Variants in PCSK5 observed in about 807,000 individuals in gnomAD.
The protein encoded by PCSK5 is proprotein convertase subtilisin/kexin type 5, also known as prohormone convertase 5.
PCSK5 carries 129 observed loss-of-function variants against 233.2 expected under a neutral mutation model. The ratio of observed to expected loss-of-function variants is 0.55; its 90% confidence interval spans 0.48 to 0.64. PCSK5 has a LOEUF of 0.64. Ranked by LOEUF, PCSK5 falls within the 30% of genes least tolerant of loss-of-function variation. The pLI is 0.00. For missense variants in PCSK5, 2,076 were observed against 2,430.1 expected (o/e 0.85, Z 3.06); for synonymous variants, 825 against 879.2 (o/e 0.94, Z 1.09).
intron 5 of PCSK5, among the ~76,000 whole-genome samples, chr9:76,066,861 A>G (rs547826962): frequency 6.6e-6 from 1 of 152,310 alleles, no homozygotes; most frequent in African/African-American, 2.4e-5. Context: ...CTTGAGTTTT[A>G]GTCACTGTTT....
chr9:76,335,888 ATGAAGAAAC>A (rs1829663825), intron 34 of PCSK5, among the ~76,000 whole-genome samples: 1 of 152,202 alleles, frequency 6.6e-6, no homozygotes, highest in Non-Finnish European at 1.5e-5. Context: ...CATTTTACAG[ATGAAGAAAC>A]TGAGGATCAG....
At chr9:76,338,955 C>A (rs949414776) in intron 35 of PCSK5, among the ~76,000 whole-genome samples, 1 of 151,922 alleles carries the variant, frequency 6.6e-6, no homozygotes, top group Non-Finnish European at 1.5e-5. Flanking sequence ...CCACCTCCAA[C>A]AAAGCTAAAC....
intron 2 of PCSK5, among the ~76,000 whole-genome samples, chr9:75,974,878 C>T (rs1409957229): frequency 1.3e-5 from 2 of 152,210 alleles, no homozygotes; most frequent in African/African-American, 4.8e-5. Context: ...GCAAACTTCA[C>T]TCATTTCCCT....
At chr9:75,929,123 T>C (rs934912990) in intron 1 of PCSK5, among the ~76,000 whole-genome samples, 2 of 151,970 alleles carry the variant, frequency 1.3e-5, no homozygotes, top group African/African-American at 4.8e-5. Context: ...TTAGTAGAGA[T>C]GGGGTTTCAC....
chr9:76,260,617 A>G (rs1183184162), intron 24 of PCSK5, among the ~76,000 whole-genome samples: 1 of 152,170 alleles, frequency 6.6e-6, no homozygotes, highest in Admixed American at 6.5e-5. Context: ...CAGGCCTACA[A>G]CTGCAAAGAA....
chr9:76,174,215 G>C (rs1388319815), intron 13 of PCSK5, among the ~76,000 whole-genome samples: 1 of 151,846 alleles, frequency 6.6e-6, no homozygotes, highest in East Asian at 1.9e-4. Flanking sequence ...AATTAGTGAT[G>C]TTTTCTTAAT....
At chr9:76,049,454 A>G (rs946533067) in intron 5 of PCSK5, among the ~76,000 whole-genome samples, 14 of 152,240 alleles carry the variant, frequency 9.2e-5, no homozygotes, top group Non-Finnish European at 1.5e-4. Flanking sequence ...AATAACTGTC[A>G]GTAAACAGAA....
intron 5 of PCSK5, among the ~76,000 whole-genome samples, chr9:76,043,451 G>A (rs1829222031): frequency 6.6e-6 from 1 of 151,620 alleles, no homozygotes; most frequent in Non-Finnish European, 1.5e-5. Flanking sequence ...AATGTTGCAA[G>A]TTACCTGGGG....
At chr9:76,068,193 G>A in intron 6 of PCSK5, 150 bp downstream of exon 6, 1 of 577,028 alleles carries the variant, frequency 1.7e-6, no homozygotes, top group Non-Finnish European at 3.1e-6. Flanking sequence ...ACATGACCAT[G>A]TTAGCATGCG....
chr9:76,018,990 C>A (rs186906877), intron 3 of PCSK5, among the ~76,000 whole-genome samples: 3 of 152,176 alleles, frequency 2.0e-5, no homozygotes, highest in Non-Finnish European at 4.4e-5. Flanking sequence ...AGTTTTAACA[C>A]AAGAGTTACA....
At chr9:75,967,597 A>G (rs186810338) in intron 2 of PCSK5, among the ~76,000 whole-genome samples, 1 of 152,352 alleles carries the variant, frequency 6.6e-6, no homozygotes, top group East Asian at 1.9e-4. Context: ...CCCATTTCAT[A>G]CAATGCAGTT....
chr9:76,261,036 G>A lies in PCSK5; in HGVS notation c.3142+20352G>A, dbSNP rs929600656. Among the ~76,000 whole-genome samples, 4 of 152,182 alleles carry A rather than the reference G, an allele frequency of 2.6e-5. No homozygotes were observed. The East Asian group carries it at 5.8e-4, about 22-fold the overall frequency. The stretch of plus-strand genomic sequence containing the variant: ...ATCCTGAAGACGTTTACTCTTAGTT[G>A]CCTTACAAGAATTATTCACCACCTT... On this transcript the variant is annotated intron_variant, in intron 24 of 37. Coordinates refer to ENST00000674117, the MANE Select transcript of PCSK5 (RefSeq NM_001372043.1).
At chr9:75,994,287 T>C (rs1826899379) in intron 3 of PCSK5, among the ~76,000 whole-genome samples, 1 of 152,018 alleles carries the variant, frequency 6.6e-6, no homozygotes, top group Non-Finnish European at 1.5e-5. Flanking sequence ...AGTTGCCATC[T>C]TTCCTTCCCC....
intron 3 of PCSK5, 28 bp downstream of exon 3, chr9:75,986,273 G>T: frequency 7.6e-7 from 1 of 1,313,098 alleles, no homozygotes; most frequent in Non-Finnish European, 1.1e-6. Flanking sequence ...GCCTGGCCTA[G>T]GGCCATGTCA....
chr9:76,069,458 A>ATTTATTTTATTT (rs1491119972), intron 6 of PCSK5, among the ~76,000 whole-genome samples: 56 of 688 alleles, frequency 0.081, 1 homozygote, highest in Admixed American at 0.32. Flanking sequence ...AACCTTATTT[A>ATTTATTTTATTT]AAAAAAAAAA....
intron 10 of PCSK5, among the ~76,000 whole-genome samples, chr9:76,136,110 G>A (rs950819682): frequency 6.6e-6 from 1 of 151,940 alleles, no homozygotes; most frequent in African/African-American, 2.4e-5. Flanking sequence ...ATTAAAGTTT[G>A]CTTTTTCACA....
intron 12 of PCSK5, among the ~76,000 whole-genome samples, chr9:76,159,503 C>T (rs920700767): frequency 1.3e-5 from 2 of 152,314 alleles, no homozygotes; most frequent in African/African-American, 2.4e-5. Flanking sequence ...TGTTGTCATT[C>T]GTTACAGATT....
At chr9:76,293,886 C>T (rs532222000) in intron 25 of PCSK5, among the ~76,000 whole-genome samples, 26 of 152,314 alleles carry the variant, frequency 1.7e-4, no homozygotes, top group Admixed American at 3.3e-4. Flanking sequence ...TTGAATACAG[C>T]GAGTGAAATG....
chr9:76,272,043 C>T (rs935335347), intron 24 of PCSK5, among the ~76,000 whole-genome samples: 14 of 152,128 alleles, frequency 9.2e-5, no homozygotes, highest in African/African-American at 3.4e-4. Context: ...TTGCCAAGTA[C>T]ATAGAGTATT....
Sources: allele counts gnomAD v4.1 joint callset (sites outside exome capture counted in the v4.1 genomes callset), GRCh38; gene constraint gnomAD v4.1.1; transcripts MANE v1.5; gene names NCBI Gene and HGNC (gene_info 2026-07-23, HGNC 2026-07-21).